NOL4: variants seen among roughly 807,000 people sequenced by gnomAD.
NOL4 encodes nucleolar protein 4.
In NOL4, 17 loss-of-function variants were observed where a neutral mutation model predicts 75.9. That is an observed-to-expected ratio of 0.22 (90% confidence interval 0.15 to 0.34). The LOEUF is 0.34. NOL4 is among the 10% of genes least tolerant of loss of function. The pLI, the probability that NOL4 is intolerant of heterozygous loss-of-function variation, is 1.00. For synonymous variants in NOL4, 292 were observed against 289.9 expected, an observed-to-expected ratio of 1.01 and a Z score of -0.07; for missense variants, 614 against 793.5, an observed-to-expected ratio of 0.77 and a Z score of 2.72.
chr18:34,070,867 A>G (rs2145251766), intron 5 of NOL4, among the ~76,000 whole-genome samples: 1 of 152,290 alleles, frequency 6.6e-6, no homozygotes, highest in South Asian at 2.1e-4. Flanking sequence ...CAATATAAAC[A>G]TGAATCTTAT....
chr18:34,046,607 C>CAT (rs35281852), intron 5 of NOL4, among the ~76,000 whole-genome samples: 4,993 of 81,540 alleles, frequency 0.061, 369 homozygotes, highest in East Asian at 0.14. Flanking sequence ...TTTACTTATA[C>CAT]ATATATATAT....
chr18:34,117,177 TCAC>T, intron 2 of NOL4, among the ~76,000 whole-genome samples: 1 of 152,290 alleles, frequency 6.6e-6, no homozygotes, highest in East Asian at 1.9e-4. Context: ...CATTTAATCC[TCAC>T]AACAGTCCCA....
At chr18:34,091,465 C>G (rs574063719) in intron 5 of NOL4, among the ~76,000 whole-genome samples, 1 of 152,036 alleles carries the variant, frequency 6.6e-6, no homozygotes, top group Non-Finnish European at 1.5e-5. Context: ...TTCCTTCCCT[C>G]GGGAGGATTC....
At position 33,958,251 on chromosome 18, in the gene NOL4, C is replaced by T. The variant is rs1257647495; in HGVS notation, c.1224G>A (p.Leu408=). The change falls in exon 7 of 11, where the codon CTG becomes CTA. Residue 408 remains leucine, a synonymous_variant. Transcript: ENST00000261592. ...TGGCAGGACTCACATTAAAAGCTTT[C>T]AGCCGCTCGGCTTCAACGCCGTCTG... The part of the protein sequence containing the change: ...NETDGVEAER[L]KAFNMFVRLF... 1 of 1,613,326 alleles carries T rather than the reference C, an allele frequency of 6.2e-7. No individual in the cohort carries two copies. Among genetic ancestry groups the T allele is most frequent in the Non-Finnish European group, 8.5e-7 (1 of 1,179,500 alleles).
chr18:34,178,418 G>C (rs1171856911), intron 1 of NOL4, among the ~76,000 whole-genome samples: 1 of 151,566 alleles, frequency 6.6e-6, no homozygotes, highest in African/African-American at 2.4e-5. Flanking sequence ...AATTTTAATG[G>C]ACTAAATTAA....
chr18:34,192,570 A>C (rs986039380), intron 1 of NOL4, among the ~76,000 whole-genome samples: 2 of 152,170 alleles, frequency 1.3e-5, no homozygotes, highest in African/African-American at 2.4e-5. Context: ...ATTTAAAGCC[A>C]ATTGATTTTT....
chr18:34,115,576 G>T (rs1398306093), intron 2 of NOL4, among the ~76,000 whole-genome samples: 1 of 151,426 alleles, frequency 6.6e-6, no homozygotes, highest in African/African-American at 2.4e-5. Flanking sequence ...AAAAGGTTGG[G>T]GTGGGGACTG....
intron 1 of NOL4, among the ~76,000 whole-genome samples, chr18:34,191,030 G>A (rs2146401335): frequency 6.6e-6 from 1 of 152,038 alleles, no homozygotes; most frequent in Admixed American, 6.5e-5. Flanking sequence ...CACTGAATAA[G>A]CAAATAAACT....
intron 5 of NOL4, among the ~76,000 whole-genome samples, chr18:34,084,634 G>T (rs1287841918): frequency 6.6e-6 from 1 of 152,138 alleles, no homozygotes; most frequent in Admixed American, 6.5e-5. Context: ...TCCCAGTCAA[G>T]TGGAGAAATG....
chr18:34,123,532 C>CATAT (rs34954122), intron 2 of NOL4, among the ~76,000 whole-genome samples: 4,322 of 129,222 alleles, frequency 0.033, 103 homozygotes, highest in African/African-American at 0.07. Flanking sequence ...ATGTGATAAC[C>CATAT]ATATATATAT....
chr18:34,203,685 CCTCTCT>C (rs1226376797), intron 1 of NOL4, among the ~76,000 whole-genome samples: 21 of 100,680 alleles, frequency 2.1e-4, no homozygotes, highest in African/African-American at 5.0e-4. Flanking sequence ...TCTCTCTCTC[CCTCTCT>C]CTCTCTCTCT....
intron 1 of NOL4, chr18:34,221,998 C>T: frequency 6.5e-7 from 1 of 1,527,382 alleles, no homozygotes. Context: ...CTCCCCCATC[C>T]CTACTCCAGG....
At chr18:34,023,496 T>C in intron 5 of NOL4, 2 of 456,030 alleles carry the variant, frequency 4.4e-6, no homozygotes, top group Non-Finnish European at 8.8e-6. Flanking sequence ...AGTATTTAGG[T>C]CTGTGGGTAT....
At chr18:34,103,965 C>T in intron 4 of NOL4, 82 bp downstream of exon 4, 1 of 890,214 alleles carries the variant, frequency 1.1e-6, no homozygotes. Flanking sequence ...TTCAAAATGC[C>T]ATCATGCTTA....
At chr18:34,179,319 AAACTC>A (rs1474338931) in intron 1 of NOL4, among the ~76,000 whole-genome samples, 8 of 151,388 alleles carry the variant, frequency 5.3e-5, no homozygotes, top group African/African-American at 1.7e-4. Flanking sequence ...AAATCACACT[AAACTC>A]AAGACAAGCA....
In NOL4 at chr18:34,028,468, G is replaced by A. The variant is rs77977345; in HGVS notation, c.773-8867C>T. Among the ~76,000 whole-genome samples, 552 of 152,252 alleles carry A rather than the reference G, an allele frequency of 3.6e-3. 3 individuals are homozygous for A. Among genetic ancestry groups the A allele is most frequent in the African/African-American group, 0.013 (534 of 41,562 alleles). On this transcript the variant is annotated intron_variant, in intron 5 of 10. Transcript: ENST00000261592. The stretch of plus-strand genomic sequence containing the variant: ...GCTCCCTTCTAGTACAAATCAACAT[G>A]CCAACAGCCTACTGCATTGATAGCC...
At chr18:34,082,596 T>C (rs1370328087) in intron 5 of NOL4, among the ~76,000 whole-genome samples, 1 of 152,168 alleles carries the variant, frequency 6.6e-6, no homozygotes, top group Non-Finnish European at 1.5e-5. Flanking sequence ...GCACACAATA[T>C]TTTAGATAAA....
chr18:33,946,315 A>C (rs1047742779), intron 8 of NOL4, among the ~76,000 whole-genome samples: 2 of 151,746 alleles, frequency 1.3e-5, no homozygotes, highest in Non-Finnish European at 3.0e-5. Flanking sequence ...ACTCTTATTG[A>C]GTGCTTAGGA....
intron 10 of NOL4, among the ~76,000 whole-genome samples, chr18:33,879,010 G>A (rs1223716255): frequency 1.3e-5 from 2 of 152,024 alleles, no homozygotes; most frequent in Non-Finnish European, 2.9e-5. Flanking sequence ...GTCAAATTAT[G>A]ATTTTTGGAA....
Sources: gnomAD v4.1 joint callset for allele counts (sites outside exome capture counted in the v4.1 genomes callset) on GRCh38, gnomAD v4.1.1 for gene constraint, MANE v1.5 for transcripts, NCBI Gene and HGNC (gene_info 2026-07-23, HGNC 2026-07-21) for gene names.